The following C12orf56 variants were observed in gnomAD, a reference collection of about 807,000 sequenced individuals.
C12orf56 encodes the protein uncharacterized protein C12orf56.
A neutral mutation model predicts 69.9 loss-of-function variants in C12orf56; 71 were observed. The ratio of observed to expected loss-of-function variants is 1.02; its 90% CI spans 0.84 to 1.24. The LOEUF is 1.24. Ranked by LOEUF, C12orf56 falls within the 50% of genes most tolerant of loss-of-function variation. The pLI, the probability that C12orf56 is intolerant of heterozygous loss-of-function variation, is 0.00. For missense variants in C12orf56, 732 were observed against 738.5 expected (o/e 0.99, Z 0.10); for synonymous variants, 276 against 274.1 (o/e 1.01, Z -0.07).
At chr12:64,380,104 C>CAAAAAAAAAAAAAAAA (rs60079906) in intron 1 of C12orf56, among the ~76,000 whole-genome samples, 7 of 49,980 alleles carry the variant, frequency 1.4e-4, no homozygotes, top group African/African-American at 5.6e-4. Flanking sequence ...GACTCCGTCG[C>CAAAAAAAAAAAAAAAA]AAAAAAAAAA....
chr12:64,348,689 T>C (rs1362551781), intron 2 of C12orf56, among the ~76,000 whole-genome samples: 1 of 152,216 alleles, frequency 6.6e-6, no homozygotes, highest in Non-Finnish European at 1.5e-5. Flanking sequence ...TAGGGAATAA[T>C]ATTAATATAT....
At chr12:64,321,897 A>G (rs2164504) in intron 3 of C12orf56, among the ~76,000 whole-genome samples, 1 of 151,628 alleles carries the variant, frequency 6.6e-6, no homozygotes, top group African/African-American at 2.4e-5. Context: ...GTTCACTGAG[A>G]TTCTTGAACC....
chr12:64,375,820 G>GA (rs1271882647), intron 1 of C12orf56, among the ~76,000 whole-genome samples: 1 of 152,086 alleles, frequency 6.6e-6, no homozygotes, highest in Non-Finnish European at 1.5e-5. Context: ...ATGCAACAAC[G>GA]AACAGTTTTT....
intron 1 of C12orf56, among the ~76,000 whole-genome samples, chr12:64,372,680 A>G (rs1053312824): frequency 6.6e-6 from 1 of 151,992 alleles, no homozygotes; most frequent in Non-Finnish European, 1.5e-5. Flanking sequence ...TGTCCAGCTA[A>G]TTTTTGTATT....
intron 2 of C12orf56, among the ~76,000 whole-genome samples, chr12:64,345,345 A>C (rs61931514): frequency 0.17 from 26,297 of 152,082 alleles, 2,314 homozygotes; most frequent in Admixed American, 0.22. Context: ...GCAAAGGTGG[A>C]AAGACTGATG....
intron 1 of C12orf56, among the ~76,000 whole-genome samples, chr12:64,378,555 TCCC>T (rs750949496): frequency 5.3e-5 from 8 of 152,046 alleles, no homozygotes; most frequent in Non-Finnish European, 1.2e-4. Context: ...TGCCTCAGCC[TCCC>T]AAGTAACTGG....
chr12:64,283,300 T>G (rs1429443840), intron 8 of C12orf56, among the ~76,000 whole-genome samples: 6 of 152,122 alleles, frequency 3.9e-5, no homozygotes, highest in African/African-American at 1.4e-4. Context: ...GCTGAAATCG[T>G]GCCATTGCAC....
intron 2 of C12orf56, among the ~76,000 whole-genome samples, chr12:64,344,648 A>G (rs1387423763): frequency 6.6e-6 from 1 of 152,158 alleles, no homozygotes; most frequent in Non-Finnish European, 1.5e-5. Context: ...CCACCGTTAG[A>G]TCTGACATAC....
chr12:64,339,961 C>A (rs964716489), intron 2 of C12orf56, among the ~76,000 whole-genome samples: 1 of 151,850 alleles, frequency 6.6e-6, no homozygotes. Context: ...TATATGATAA[C>A]TTCCATATAT....
At chr12:64,326,283 C>A (rs1039119567) in intron 3 of C12orf56, among the ~76,000 whole-genome samples, 4 of 152,160 alleles carry the variant, frequency 2.6e-5, no homozygotes, top group African/African-American at 9.7e-5. Flanking sequence ...ATAAAACATA[C>A]ATGCACAGTT....
At chr12:64,271,982 C>G (rs1212790270) in intron 11 of C12orf56, among the ~76,000 whole-genome samples, 2 of 152,146 alleles carry the variant, frequency 1.3e-5, no homozygotes, top group Non-Finnish European at 2.9e-5. Context: ...AACCCTTCAT[C>G]CTTACATGCT....
intron 2 of C12orf56, chr12:64,352,476 A>G (rs1368816169): frequency 6.5e-6 from 1 of 153,770 alleles, no homozygotes; most frequent in Non-Finnish European, 1.4e-5. Flanking sequence ...GACAGGGGAA[A>G]GATAGACGCA....
chr12:64,331,590 G>A (rs1565760052), intron 2 of C12orf56, among the ~76,000 whole-genome samples: 1 of 152,164 alleles, frequency 6.6e-6, no homozygotes, highest in Non-Finnish European at 1.5e-5. Context: ...AATGGGATTA[G>A]TACCCTTATA....
intron 6 of C12orf56, among the ~76,000 whole-genome samples, chr12:64,295,561 T>C (rs1030147036): frequency 5.9e-5 from 9 of 152,012 alleles, no homozygotes; most frequent in African/African-American, 2.2e-4. Context: ...ACTCAGCTAC[T>C]TGGGAAGTAC....
intron 1 of C12orf56, among the ~76,000 whole-genome samples, chr12:64,377,419 C>T (rs917063052): frequency 6.6e-6 from 1 of 152,052 alleles, no homozygotes; most frequent in African/African-American, 2.4e-5. Context: ...GAACTCCTGA[C>T]CTCAAGTGAT....
At chr12:64,320,850 A>G (rs998514810) in intron 3 of C12orf56, among the ~76,000 whole-genome samples, 1 of 152,230 alleles carries the variant, frequency 6.6e-6, no homozygotes, top group East Asian at 1.9e-4. Context: ...CCAGTTTTCC[A>G]GAAGAACAGA....
intron 4 of C12orf56, among the ~76,000 whole-genome samples, chr12:64,313,734 T>C (rs2038653289): frequency 6.6e-6 from 1 of 151,830 alleles, no homozygotes; most frequent in Admixed American, 6.6e-5. Flanking sequence ...TGGTTTTTCA[T>C]GTCTGTGTAT....
chr12:64,294,425 G>C (rs2038337894), intron 6 of C12orf56, among the ~76,000 whole-genome samples: 1 of 152,082 alleles, frequency 6.6e-6, no homozygotes, highest in Admixed American at 6.6e-5. Flanking sequence ...CTAAAACATG[G>C]AAGCAACCCA....
intron 1 of C12orf56, among the ~76,000 whole-genome samples, chr12:64,374,244 G>T (rs954906078): frequency 6.6e-6 from 1 of 152,028 alleles, no homozygotes; most frequent in Non-Finnish European, 1.5e-5. Flanking sequence ...ATTGCCTCGG[G>T]GTCTGGATAC....
Sources: gnomAD v4.1 joint callset for allele counts (sites outside exome capture counted in the v4.1 genomes callset) on GRCh38, gnomAD v4.1.1 for gene constraint, MANE v1.5 for transcripts, NCBI Gene and HGNC (gene_info 2026-07-23, HGNC 2026-07-21) for gene names.